The following NTRK3 variants were observed in gnomAD, a reference collection of about 807,000 sequenced individuals.
The protein encoded by NTRK3 is NT-3 growth factor receptor.
In NTRK3, 24 loss-of-function variants were observed where a neutral mutation model predicts 91.7. The observed-to-expected ratio is 0.26, with a 90% CI of 0.19 to 0.37. NTRK3 has a LOEUF of 0.37. Among genes scored for constraint, NTRK3 ranks in the 10% least tolerant of loss-of-function variants. The pLI, the probability that NTRK3 is intolerant of heterozygous loss-of-function variation, is 1.00. For missense variants in NTRK3, 880 were observed against 1,068.9 expected, an observed-to-expected ratio of 0.82 and a Z score of 2.46; for synonymous variants, 483 against 404.0, an observed-to-expected ratio of 1.20 and a Z score of -2.34.
intron 17 of NTRK3, among the ~76,000 whole-genome samples, 193 bp from the exon 19 acceptor site, chr15:87,880,621 T>G (rs181565173): frequency 6.6e-6 from 1 of 152,288 alleles, no homozygotes; most frequent in East Asian, 1.9e-4. Flanking sequence ...ACAGCTAGAC[T>G]AGCAACTAGA....
intron 14 of NTRK3, among the ~76,000 whole-genome samples, chr15:88,003,558 C>T (rs2076264930): frequency 1.3e-5 from 2 of 152,170 alleles, no homozygotes; most frequent in Non-Finnish European, 2.9e-5. Context: ...GCCAATGTTA[C>T]ATGGTTACCA....
intron 3 of NTRK3, among the ~76,000 whole-genome samples, chr15:88,249,552 C>T (rs935973709): frequency 5.9e-5 from 9 of 152,136 alleles, no homozygotes; most frequent in Non-Finnish European, 8.8e-5. Context: ...GCCCTTGGAC[C>T]CTCATGGGTG....
intron 14 of NTRK3, among the ~76,000 whole-genome samples, chr15:87,995,243 G>A (rs1024238843): frequency 5.3e-5 from 8 of 152,154 alleles, no homozygotes; most frequent in Admixed American, 2.0e-4. Context: ...AGCCCTCACA[G>A]ATCTCACCCC....
exon 19 of NTRK3, chr15:87,873,259 G>A (rs767216339): frequency 8.7e-6 from 2 of 231,178 alleles, no homozygotes; most frequent in Non-Finnish European, 1.7e-5. Flanking sequence ...AGTAATTTGT[G>A]CATGATCTGC....
intron 17 of NTRK3, among the ~76,000 whole-genome samples, chr15:87,899,092 T>A (rs1005263351): frequency 1.3e-5 from 2 of 152,188 alleles, no homozygotes; most frequent in Non-Finnish European, 2.9e-5. Context: ...GAATAAGAGT[T>A]GTAATGGTGT....
chr15:88,248,024 C>A (rs1246882751), intron 3 of NTRK3, among the ~76,000 whole-genome samples: 1 of 152,200 alleles, frequency 6.6e-6, no homozygotes, highest in Non-Finnish European at 1.5e-5. Context: ...CTGGGAGAAG[C>A]CACTCAGCCC....
At chr15:88,246,825 G>A (rs954842075) in intron 3 of NTRK3, among the ~76,000 whole-genome samples, 2 of 152,168 alleles carry the variant, frequency 1.3e-5, no homozygotes, top group Admixed American at 1.3e-4. Flanking sequence ...TCATCTCGGC[G>A]GAGAGATGCC....
At chr15:88,011,809 C>T (rs913163103) in intron 14 of NTRK3, among the ~76,000 whole-genome samples, 6 of 152,200 alleles carry the variant, frequency 3.9e-5, no homozygotes, top group African/African-American at 9.7e-5. Context: ...TCGCCTGCCA[C>T]TGGGGTGACC....
At chr15:88,253,582 TG>T (rs2053663043) in intron 3 of NTRK3, 1 of 152,274 alleles carries the variant, frequency 6.6e-6, no homozygotes, top group Non-Finnish European at 1.5e-5. Context: ...AACAGGGCAC[TG>T]GGGAAAAGAT....
intron 17 of NTRK3, among the ~76,000 whole-genome samples, chr15:87,926,342 C>G (rs2068307457): frequency 6.6e-6 from 1 of 151,476 alleles, no homozygotes; most frequent in South Asian, 2.1e-4. Context: ...CTTTAAATGT[C>G]TCATCAGTAG....
intron 5 of NTRK3, among the ~76,000 whole-genome samples, chr15:88,166,940 G>A (rs2045019458): frequency 6.6e-6 from 1 of 152,008 alleles, no homozygotes; most frequent in Non-Finnish European, 1.5e-5. Context: ...TTGCTTGTAT[G>A]TGCACACATG....
rs1477590131 is a variant in NTRK3, at chr15:87,904,447, C to T, written c.2134-24019G>A. Among the ~76,000 whole-genome samples the T allele has an allele frequency of 1.1e-4, 17 of 152,316 alleles. No homozygotes were observed. In the East Asian group the frequency reaches 2.7e-3, roughly 24 times the overall value. ...CTGGGATTACAGGCGTGAGCCACCA[C>T]GCCCAGCCACAATAAGCCTTTTAAT... On this transcript the variant is annotated intron_variant, in intron 17 of 18. Coordinates refer to ENST00000394480, the Ensembl canonical transcript of NTRK3.
intron 13 of NTRK3, among the ~76,000 whole-genome samples, chr15:88,069,699 G>A (rs1177348970): frequency 6.6e-6 from 1 of 152,184 alleles, no homozygotes; most frequent in Admixed American, 6.5e-5. Flanking sequence ...AGAACACGTA[G>A]GATTTTGCTT....
chr15:88,084,296 C>A (rs536024553), intron 13 of NTRK3, among the ~76,000 whole-genome samples: 1 of 152,182 alleles, frequency 6.6e-6, no homozygotes, highest in Non-Finnish European at 1.5e-5. Context: ...ATGCTAAAAG[C>A]AGCCAAATCT....
At chr15:87,981,340 T>C (rs1220965953) in intron 14 of NTRK3, 1 of 1,612,232 alleles carries the variant, frequency 6.2e-7, no homozygotes, top group Non-Finnish European at 8.5e-7. Flanking sequence ...ATCCCATGAT[T>C]GTCTATGTTT....
At chr15:88,189,513 T>TCTC (rs2047217761) in intron 3 of NTRK3, among the ~76,000 whole-genome samples, 1 of 151,630 alleles carries the variant, frequency 6.6e-6, no homozygotes, top group Non-Finnish European at 1.5e-5. Context: ...TGGGGTGCAA[T>TCTC]GGCTCACTGC....
intron 5 of NTRK3, 106 bp from the exon 6 acceptor site, chr15:88,147,509 CTT>C: frequency 1.7e-5 from 2 of 116,042 alleles, no homozygotes; most frequent in Middle Eastern, 1.3e-3. Context: ...TGTTTTCCTT[CTT>C]CTTCTTCTTC....
At chr15:87,952,848 C>T (rs891713841) in intron 14 of NTRK3, among the ~76,000 whole-genome samples, 4 of 151,982 alleles carry the variant, frequency 2.6e-5, no homozygotes, top group South Asian at 2.1e-4. Context: ...GCCTTTCCTG[C>T]CCTACCCCCG....
At chr15:87,973,687 C>T (rs138005633) in intron 14 of NTRK3, among the ~76,000 whole-genome samples, 7 of 152,198 alleles carry the variant, frequency 4.6e-5, no homozygotes, top group Non-Finnish European at 8.8e-5. Flanking sequence ...AGGAGGAGAG[C>T]TCCAGGCCCG....
Sources: allele counts gnomAD v4.1 joint callset (sites outside exome capture counted in the v4.1 genomes callset), GRCh38; gene constraint gnomAD v4.1.1; transcripts MANE v1.5; gene names NCBI Gene and HGNC (gene_info 2026-07-23, HGNC 2026-07-21).